The following USO1 variants were observed in gnomAD, a reference collection of about 807,000 sequenced individuals.
USO1 encodes the protein USO1 vesicle transport factor.
Under a neutral mutation model 124.5 loss-of-function variants are expected in USO1, and 57 were observed. The observed-to-expected ratio is 0.46, with a 90% CI of 0.37 to 0.57. USO1 has a LOEUF of 0.57. USO1 is among the 20% of genes least tolerant of loss of function. The pLI, the probability that USO1 is intolerant of heterozygous loss-of-function variation, is 0.00. For missense variants in USO1, 900 were observed against 1,040.6 expected, an observed-to-expected ratio of 0.86 and a Z score of 1.86; for synonymous variants, 369 against 362.8, an observed-to-expected ratio of 1.02 and a Z score of -0.19.
chr4:75,804,002 C>A, intron 17 of USO1, 132 bp from the exon 18 acceptor site: 1 of 1,173,692 alleles, frequency 8.5e-7, no homozygotes, highest in Non-Finnish European at 1.1e-6. Context: ...TGCTTAATTA[C>A]TGAACGATTT....
chr4:75,751,036 A>G (rs1721284965), intron 1 of USO1, among the ~76,000 whole-genome samples: 1 of 152,016 alleles, frequency 6.6e-6, no homozygotes, highest in Admixed American at 6.6e-5. Context: ...ATTCTTTTGA[A>G]TACCTACATG....
intron 1 of USO1, among the ~76,000 whole-genome samples, chr4:75,738,980 G>T (rs375033147): frequency 1.3e-5 from 2 of 152,140 alleles, no homozygotes; most frequent in East Asian, 3.9e-4. Context: ...AGCCTCCCGA[G>T]TAGCTGGGAT....
At chr4:75,769,041 G>A (rs951620235) in intron 4 of USO1, among the ~76,000 whole-genome samples, 5 of 151,896 alleles carry the variant, frequency 3.3e-5, no homozygotes, top group African/African-American at 1.2e-4. Flanking sequence ...AGTTCTTTAG[G>A]CCAAAAGCTT....
rs542229844 is a variant in USO1, at chr4:75,795,285, C to G, written c.1452+1384C>G. On this transcript the variant is annotated intron_variant, in intron 13 of 23. Transcript: ENST00000514213. ...TTTGAGGGATTTTTCCAGATTTAGACTTTTCTAAAGTAGTAATATGTATGA... is the reference window on the plus strand; with the variant it reads ...TTTGAGGGATTTTTCCAGATTTAGAGTTTTCTAAAGTAGTAATATGTATGA... 1.5e-4 allele frequency: 102 copies of G among 697,848 alleles called. No homozygotes were observed. In the African/African-American group the frequency reaches 1.6e-3, roughly 11 times the overall value. 43.2% of individuals were successfully genotyped at this position (697,848 alleles called of 1,614,324 possible).
At chr4:75,792,590 G>T (rs1722562740) in intron 12 of USO1, among the ~76,000 whole-genome samples, 1 of 152,062 alleles carries the variant, frequency 6.6e-6, no homozygotes, top group African/African-American at 2.4e-5. Flanking sequence ...CTAGCTACAT[G>T]GGAGGCTGAG....
chr4:75,779,073 C>T (rs1014793200), intron 8 of USO1, among the ~76,000 whole-genome samples: 1 of 152,078 alleles, frequency 6.6e-6, no homozygotes, highest in Admixed American at 6.6e-5. Context: ...TTTGATGTTA[C>T]TATTGTAATT....
intron 4 of USO1, among the ~76,000 whole-genome samples, chr4:75,763,571 CTG>C (rs1250976917): frequency 3.9e-5 from 6 of 152,080 alleles, no homozygotes; most frequent in Non-Finnish European, 8.8e-5. Context: ...TGAGGAGCAT[CTG>C]TGTAAGTACT....
chr4:75,748,683 A>G (rs1721205748), intron 1 of USO1, among the ~76,000 whole-genome samples: 2 of 152,172 alleles, frequency 1.3e-5, no homozygotes, highest in Non-Finnish European at 2.9e-5. Context: ...TAAGTACCTC[A>G]AGGTAGATAA....
intron 1 of USO1, among the ~76,000 whole-genome samples, chr4:75,748,878 AT>A (rs1177354470): frequency 6.6e-6 from 1 of 152,144 alleles, no homozygotes; most frequent in East Asian, 1.9e-4. Context: ...GACTCAATAA[AT>A]TCTTTAAGCT....
At chr4:75,809,371 C>T (rs1723082539) in intron 21 of USO1, among the ~76,000 whole-genome samples, 1 of 152,170 alleles carries the variant, frequency 6.6e-6, no homozygotes, top group Non-Finnish European at 1.5e-5. Context: ...CCAGAACATT[C>T]CTTCTCATAC....
chr4:75,763,472 TA>T (rs1298446054), intron 4 of USO1, among the ~76,000 whole-genome samples: 1 of 152,220 alleles, frequency 6.6e-6, no homozygotes, highest in East Asian at 1.9e-4. Context: ...TGGGCACATT[TA>T]AAGTAGGTTA....
rs886949984 is a variant in USO1, at chr4:75,752,603, C to G, written c.217C>G (p.Arg73Gly). 5.8e-5 allele frequency: 23 copies of G among 398,380 alleles called. No individual in the cohort carries two copies. Among genetic ancestry groups the G allele is most frequent in the East Asian group, 2.5e-4 (7 of 28,042 alleles). The allele number at this position is 398,380 out of a possible 1,614,324, so 24.7% of individuals were successfully genotyped here. The stretch of plus-strand genomic sequence containing the variant: ...TCTTATTCATGTTTTACAAACAGAT[C>G]GGTAAGTCTCTGTTTAATGATTTTT... ...EHLIHVLQTD[R>G]SDSEIIGYAL... Residue 73 changes from arginine to glycine, a missense_variant and splice_region_variant, in exon 3 of 24, where the codon CGT (arginine) becomes GGT (glycine). By Grantham distance (125) the Arg-to-Gly change is moderately radical (BLOSUM62 -2). Transcript: ENST00000514213.
rs1293692260 is a variant in USO1 at position 75,774,713 on chromosome 4, G to C, written c.593G>C (p.Gly198Ala). 3 of 1,613,652 alleles carry C rather than the reference G, an allele frequency of 1.9e-6. No individual in the cohort carries two copies. The South Asian group carries it at 3.3e-5, about 18-fold the overall frequency. ...CTGCAGGCACTAACAAGAAGCAATG[G>C]TGCAATCCAGAAAATTGTTGCTTTT... is the stretch of plus-strand genomic sequence containing the variant. Reference protein sequence around the residue: ...LLLQALTRSNGAIQKIVAFEN... With the variant: ...LLLQALTRSNAAIQKIVAFEN... Residue 198 changes from glycine to alanine, a missense_variant, in exon 8 of 24, where the codon GGT becomes GCT. Physicochemically the swap from Gly to Ala is moderately conservative, Grantham distance 60. This residue lies in a region of USO1 where 538 missense variants were observed against 681.6 expected (regional missense o/e 0.79). Transcript: ENST00000514213.
intron 15 of USO1, 56 bp from the exon 16 acceptor site, chr4:75,800,560 TTA>T (rs1032988732): frequency 1.3e-6 from 2 of 1,526,142 alleles, no homozygotes; most frequent in African/African-American, 2.8e-5. Context: ...GACCAAGCTT[TTA>T]TGTTTTGTTT....
chr4:75,745,062 T>G (rs1214393795), intron 1 of USO1: 2 of 340,752 alleles, frequency 5.9e-6, no homozygotes, highest in Non-Finnish European at 1.1e-5. Flanking sequence ...TGCCATCACA[T>G]TAATGCCTTC....
chr4:75,728,175 A>G (rs1006373954), intron 1 of USO1, among the ~76,000 whole-genome samples: 1 of 152,136 alleles, frequency 6.6e-6, no homozygotes, highest in African/African-American at 2.4e-5. Context: ...CTTTTTACTT[A>G]AGGGATTTTT....
At chr4:75,736,722 C>CTG (rs1323298860) in intron 1 of USO1, among the ~76,000 whole-genome samples, 1 of 152,170 alleles carries the variant, frequency 6.6e-6, no homozygotes, top group Non-Finnish European at 1.5e-5. Context: ...TTCTAATAAA[C>CTG]TGTAAAAGCT....
chr4:75,755,076 C>T (rs1474728427), intron 3 of USO1, among the ~76,000 whole-genome samples: 1 of 152,194 alleles, frequency 6.6e-6, no homozygotes, highest in Non-Finnish European at 1.5e-5. Flanking sequence ...ACATGTTTCT[C>T]TCTTGGTAAG....
intron 3 of USO1, among the ~76,000 whole-genome samples, chr4:75,755,726 A>T (rs1721423004): frequency 6.6e-6 from 1 of 152,220 alleles, no homozygotes; most frequent in African/African-American, 2.4e-5. Context: ...TAACTGTGGT[A>T]GACAGAATTA....
Sources: gnomAD v4.1 joint callset for allele counts (sites outside exome capture counted in the v4.1 genomes callset) on GRCh38, gnomAD v4.1.1 for gene constraint, gnomAD v4.1.1 regional missense constraint, MANE v1.5 for transcripts, NCBI Gene and HGNC (gene_info 2026-07-23, HGNC 2026-07-21) for gene names.